Variants in NME7 observed in about 807,000 individuals in gnomAD.
NME7 encodes nucleoside diphosphate kinase 7.
A neutral mutation model predicts 49.1 loss-of-function variants in NME7; 41 were observed. The observed-to-expected ratio is 0.83, with a 90% CI of 0.65 to 1.08. The LOEUF (loss-of-function observed/expected upper bound fraction) is 1.08. NME7 is among the 50% of genes least tolerant of loss of function. NME7 has a pLI of 0.00. For missense variants in NME7, 423 were observed against 463.4 expected, an observed-to-expected ratio of 0.91 and a Z score of 0.80; for synonymous variants, 139 against 150.6, an observed-to-expected ratio of 0.92 and a Z score of 0.56.
chr1:169,335,298 G>A (rs1652417529), intron 1 of NME7, among the ~76,000 whole-genome samples: 1 of 152,052 alleles, frequency 6.6e-6, no homozygotes, highest in South Asian at 2.1e-4. Flanking sequence ...GCAAAGACAT[G>A]GAACCAACCC....
chr1:169,257,614 T>C (rs754828552), intron 7 of NME7, among the ~76,000 whole-genome samples: 1 of 134,138 alleles, frequency 7.5e-6, no homozygotes, highest in Non-Finnish European at 1.8e-5. Context: ...ATTGTTATTG[T>C]TTTATAGGCC....
chr1:169,253,422 G>C lies in NME7; in HGVS notation c.755-15735C>G, dbSNP rs1437822434. Among the ~76,000 whole-genome samples, 9 of 151,732 alleles carry C rather than the reference G, an allele frequency of 5.9e-5. No individual in the cohort carries two copies. The East Asian group carries it at 1.5e-3, about 26-fold the overall frequency. On this transcript the variant is annotated intron_variant, in intron 7 of 11. Coordinates refer to ENST00000367811, the MANE Select transcript of NME7 (RefSeq NM_013330.5). ...TTTGCACATTGATTTTGTATCCTGA[G>C]ACTTTGCTGAAGTTGCTTATCAGCT...
intron 10 of NME7, among the ~76,000 whole-genome samples, chr1:169,175,613 A>C (rs1474031702): frequency 6.6e-6 from 1 of 152,180 alleles, no homozygotes; most frequent in Non-Finnish European, 1.5e-5. Flanking sequence ...TTATGGGATC[A>C]GCATCCTATA....
At chr1:169,228,683 CAAAAAAAAAAA>C (rs747705690) in intron 10 of NME7, among the ~76,000 whole-genome samples, 39 of 90,400 alleles carry the variant, frequency 4.3e-4, no homozygotes, top group Non-Finnish European at 5.8e-4. Flanking sequence ...GACTCCGTCT[CAAAAAAAAAAA>C]AAAAAAAAAA....
At chr1:169,287,192 A>G (rs1390160865) in intron 7 of NME7, 111 bp downstream of exon 7, 2 of 931,760 alleles carry the variant, frequency 2.1e-6, no homozygotes, top group African/African-American at 3.4e-5. Context: ...TCAAAGAAAA[A>G]AAATGGAAAT....
In NME7 at chr1:169,311,318, T is replaced by A. The variant is rs187163311; in HGVS notation, c.279-1238A>T. ...CTACTAGTCCCAGCTACTAAGGAGG[T>A]TGAGGCAGGAGAATGATGTGAACCC... On this transcript the variant is annotated intron_variant, in intron 3 of 11. Coordinates refer to ENST00000367811, the MANE Select transcript of NME7 (RefSeq NM_013330.5). 8.1e-5 allele frequency among the ~76,000 whole-genome samples: 12 copies of A among 148,688 alleles called. No individual in the cohort carries two copies. In the East Asian group the frequency reaches 1.6e-3, roughly 20 times the overall value.
At chr1:169,207,818 G>A (rs3753300) in intron 10 of NME7, among the ~76,000 whole-genome samples, 57,243 of 151,788 alleles carry the variant, frequency 0.38, 11,503 homozygotes, top group East Asian at 0.79. Flanking sequence ...GCTGGAGTGA[G>A]TAGTCTGGAA....
chr1:169,280,425 T>C (rs1027389469), intron 7 of NME7, among the ~76,000 whole-genome samples: 4 of 152,116 alleles, frequency 2.6e-5, no homozygotes, highest in Non-Finnish European at 5.9e-5. Flanking sequence ...ACTCTGATGA[T>C]AGTTTCTTTT....
chr1:169,330,062 A>G (rs922537595), intron 1 of NME7, among the ~76,000 whole-genome samples: 2 of 152,310 alleles, frequency 1.3e-5, no homozygotes, highest in African/African-American at 2.4e-5. Flanking sequence ...GAAGGAAAAA[A>G]AGACTGTTAC....
chr1:169,275,676 T>A (rs1649687668), intron 7 of NME7, among the ~76,000 whole-genome samples: 2 of 131,060 alleles, frequency 1.5e-5, no homozygotes, highest in South Asian at 4.7e-4. Flanking sequence ...ATACCCTTTA[T>A]TTCCTTCTCC....
intron 1 of NME7, among the ~76,000 whole-genome samples, chr1:169,340,232 T>C (rs935488485): frequency 9.9e-5 from 15 of 152,164 alleles, no homozygotes; most frequent in African/African-American, 2.9e-4. Flanking sequence ...TCCCCCATGC[T>C]GTTCTTGTGA....
At chr1:169,335,558 G>A (rs1008729933) in intron 1 of NME7, among the ~76,000 whole-genome samples, 1 of 151,714 alleles carries the variant, frequency 6.6e-6, no homozygotes, top group Admixed American at 6.6e-5. Flanking sequence ...GTTGTGGGGT[G>A]GGGGATGAGG....
intron 11 of NME7, among the ~76,000 whole-genome samples, chr1:169,149,487 C>G (rs532520055): frequency 6.6e-6 from 1 of 152,246 alleles, no homozygotes; most frequent in East Asian, 1.9e-4. Flanking sequence ...AAACCCCCAG[C>G]GGATACCTGA....
intron 10 of NME7, among the ~76,000 whole-genome samples, chr1:169,224,190 T>C (rs925219095): frequency 6.6e-6 from 1 of 152,148 alleles, no homozygotes; most frequent in African/African-American, 2.4e-5. Context: ...CTCCCTTCTG[T>C]ATCAATGCCC....
intron 9 of NME7, among the ~76,000 whole-genome samples, chr1:169,232,512 T>C (rs1369294902): frequency 2.0e-5 from 3 of 148,390 alleles, no homozygotes; most frequent in Admixed American, 6.7e-5. Flanking sequence ...ATAATAAAAT[T>C]AGCTAAAAAC....
chr1:169,310,226 C>A, intron 3 of NME7, 146 bp from the exon 4 acceptor site: 1 of 526,998 alleles, frequency 1.9e-6, no homozygotes, highest in Non-Finnish European at 3.2e-6. Flanking sequence ...AAAGACATCC[C>A]TTAAAAACTT....
chr1:169,210,917 T>A (rs1660794977), intron 10 of NME7, among the ~76,000 whole-genome samples: 1 of 152,098 alleles, frequency 6.6e-6, no homozygotes, highest in African/African-American at 2.4e-5. Context: ...ATAAGACTTT[T>A]AGGTATATTC....
intron 5 of NME7, 100 bp downstream of exon 5, chr1:169,303,045 T>C: frequency 1.4e-6 from 1 of 733,700 alleles, no homozygotes; most frequent in East Asian, 3.0e-5. Flanking sequence ...ATGGCCCTTT[T>C]GACAGATTAT....
intron 10 of NME7, among the ~76,000 whole-genome samples, chr1:169,227,079 ATAC>A (rs1288805283): frequency 6.6e-6 from 1 of 152,172 alleles, no homozygotes; most frequent in Non-Finnish European, 1.5e-5. Context: ...AGCCTTGCAC[ATAC>A]TATTCACTCA....
Sources: allele counts gnomAD v4.1 joint callset (sites outside exome capture counted in the v4.1 genomes callset), GRCh38; gene constraint gnomAD v4.1.1; transcripts MANE v1.5; gene names NCBI Gene and HGNC (gene_info 2026-07-23, HGNC 2026-07-21).